Variants in COLEC12 observed in about 807,000 individuals in gnomAD.
COLEC12 encodes collectin-12.
A neutral mutation model predicts 71.1 loss-of-function variants in COLEC12; 33 were observed. The ratio of observed to expected loss-of-function variants is 0.46; its 90% confidence interval spans 0.35 to 0.62. COLEC12 has a LOEUF of 0.62. COLEC12 is among the 20% of genes least tolerant of loss of function. COLEC12 has a pLI of 0.00. For missense variants in COLEC12, 765 were observed against 916.1 expected (o/e 0.84, Z 2.13); for synonymous variants, 350 against 353.0 (o/e 0.99, Z 0.10).
chr18:435,617 T>C (rs1916389221), intron 2 of COLEC12, among the ~76,000 whole-genome samples: 2 of 151,690 alleles, frequency 1.3e-5, no homozygotes, highest in African/African-American at 4.8e-5. Flanking sequence ...TCTCTCTCTA[T>C]CTGGCTAATA....
chr18:439,409 C>G (rs1916469019), intron 2 of COLEC12, among the ~76,000 whole-genome samples: 1 of 151,248 alleles, frequency 6.6e-6, no homozygotes, highest in Non-Finnish European at 1.5e-5. Flanking sequence ...AGAGAGAAAC[C>G]TGGAACACAC....
chr18:349,262 C>T (rs1203974548), intron 3 of COLEC12, among the ~76,000 whole-genome samples: 1 of 152,212 alleles, frequency 6.6e-6, no homozygotes, highest in Non-Finnish European at 1.5e-5. Context: ...CCAGCCATGG[C>T]TGAAAGGGGC....
intron 5 of COLEC12, among the ~76,000 whole-genome samples, chr18:341,507 G>A (rs1056861548): frequency 3.3e-5 from 5 of 152,184 alleles, no homozygotes; most frequent in African/African-American, 4.8e-5. Context: ...CTCTAAGGCT[G>A]GGCACTAGAA....
At chr18:429,646 T>G (rs747202993) in intron 2 of COLEC12, among the ~76,000 whole-genome samples, 14 of 152,166 alleles carry the variant, frequency 9.2e-5, no homozygotes, top group Admixed American at 5.2e-4. Flanking sequence ...CCTCCCAAAG[T>G]TCTGGGATTA....
intron 2 of COLEC12, among the ~76,000 whole-genome samples, chr18:441,506 G>A (rs1030060015): frequency 7.2e-5 from 11 of 152,074 alleles, no homozygotes; most frequent in South Asian, 4.1e-4. Flanking sequence ...ACTGTGCAGC[G>A]TACAGACTCT....
At chr18:381,716 A>G (rs1915234923) in intron 2 of COLEC12, among the ~76,000 whole-genome samples, 1 of 152,240 alleles carries the variant, frequency 6.6e-6, no homozygotes. Flanking sequence ...GAAGGAAAAA[A>G]TGGAAACTTT....
intron 2 of COLEC12, among the ~76,000 whole-genome samples, chr18:417,753 T>C (rs1403657153): frequency 6.7e-6 from 1 of 150,344 alleles, no homozygotes; most frequent in African/African-American, 2.5e-5. Context: ...CACTGGTCAT[T>C]GCTGTAGCAA....
In COLEC12 at chr18:319,500, T is replaced by A; in HGVS notation, c.*545A>T. On this transcript the variant is annotated 3_prime_UTR_variant, in exon 10 of 10. Coordinates refer to ENST00000400256, the MANE Select transcript of COLEC12 (RefSeq NM_130386.3). Reference sequence around the variant, plus strand: ...GTTTTCTTTGGCTCCATGTATTATGTCGGTAAAATGACAAAAAAAAAAAAA... The same window carrying A: ...GTTTTCTTTGGCTCCATGTATTATGACGGTAAAATGACAAAAAAAAAAAAA... 7.0e-6 allele frequency: 1 copy of A among 143,024 alleles called. No homozygotes were observed. The highest frequency in any genetic ancestry group is 1.5e-5 in the Non-Finnish European group (1 of 66,258). The allele number at this position is 143,024 out of a possible 1,614,324, so 8.9% of individuals were successfully genotyped here. A position where few individuals can be genotyped will look rare whatever the true frequency, so the allele number is the denominator to read the frequency against.
At chr18:495,859 T>C (rs1917702895) in intron 1 of COLEC12, among the ~76,000 whole-genome samples, 1 of 152,178 alleles carries the variant, frequency 6.6e-6, no homozygotes, top group Admixed American at 6.5e-5. Context: ...CGCCACCAAC[T>C]AGCTGGGTAC....
intron 2 of COLEC12, among the ~76,000 whole-genome samples, chr18:464,205 G>T (rs138412737): frequency 6.6e-6 from 1 of 152,130 alleles, no homozygotes; most frequent in Non-Finnish European, 1.5e-5. Context: ...TGTTCCATGC[G>T]AGTCACTTTT....
intron 7 of COLEC12, among the ~76,000 whole-genome samples, chr18:332,488 A>G (rs1408287791): frequency 5.9e-5 from 9 of 152,190 alleles, no homozygotes; most frequent in Non-Finnish European, 1.5e-5. Flanking sequence ...TGAGGGTAAT[A>G]ATAATACCTA....
intron 3 of COLEC12, 119 bp downstream of exon 3, chr18:357,281 T>C: frequency 1.1e-6 from 1 of 920,724 alleles, no homozygotes. Flanking sequence ...ATCATGTTGT[T>C]ATTTTGCATC....
chr18:473,614 C>T lies in COLEC12; in HGVS notation c.58+7093G>A, dbSNP rs186334217. Among the ~76,000 whole-genome samples, 314 of 152,310 alleles carry T rather than the reference C, an allele frequency of 2.1e-3. 1 individual carries two copies. The highest frequency in any genetic ancestry group is 4.5e-3 in the African/African-American group (188 of 41,582). The stretch of plus-strand genomic sequence containing the variant: ...CTGACCTCAGGTGATCCACCCGCCT[C>T]GGCCTCCCAAAGTGCTGGGATTACA... On this transcript the variant is annotated intron_variant, in intron 2 of 9. Coordinates refer to ENST00000400256, the MANE Select transcript of COLEC12 (RefSeq NM_130386.3).
At chr18:441,062 C>T (rs1393592832) in intron 2 of COLEC12, among the ~76,000 whole-genome samples, 5 of 146,560 alleles carry the variant, frequency 3.4e-5, no homozygotes, top group Non-Finnish European at 6.0e-5. Context: ...TCCTGGCTAA[C>T]ACAGTGAAAC....
At chr18:461,345 C>T (rs1414836451) in intron 2 of COLEC12, among the ~76,000 whole-genome samples, 6 of 152,098 alleles carry the variant, frequency 3.9e-5, no homozygotes, top group African/African-American at 7.2e-5. Context: ...ATAATCAACA[C>T]AAAATTATTA....
rs572968421 is a variant in COLEC12, at chr18:454,326, T to C, written c.58+26381A>G. On this transcript the variant is annotated intron_variant, in intron 2 of 9. Transcript: ENST00000400256. Reference sequence around the variant, plus strand: ...CCAAATCACAGCCTCCCTCACTCTGTTCTTGTTCCCACTCCCACATGACCT... The same window carrying C: ...CCAAATCACAGCCTCCCTCACTCTGCTCTTGTTCCCACTCCCACATGACCT... Among the ~76,000 whole-genome samples the C allele has an allele frequency of 2.0e-5, 3 of 152,286 alleles. No homozygotes were observed. In the South Asian group the frequency reaches 6.2e-4, roughly 32 times the overall value.
chr18:430,749 A>G (rs72863565), intron 2 of COLEC12, among the ~76,000 whole-genome samples: 2,527 of 152,340 alleles, frequency 0.017, 29 homozygotes, highest in Non-Finnish European at 0.02. Context: ...GAAGAGGGAA[A>G]CCATTTAATG....
rs550594956 is a variant in COLEC12, at chr18:353,304, T to C, written c.181+4096A>G. 3.3e-5 allele frequency among the ~76,000 whole-genome samples: 5 copies of C among 152,270 alleles called. No individual in the cohort carries two copies. The East Asian group carries it at 9.7e-4, about 29-fold the overall frequency. On this transcript the variant is annotated intron_variant, in intron 3 of 9. Coordinates refer to ENST00000400256, the MANE Select transcript of COLEC12 (RefSeq NM_130386.3). ...GCTCTTTGCCGGATGCACTACACCA[T>C]CACTGCAGTTAATCCTTCCAACTGC...
At chr18:434,911 A>C (rs1567907048) in intron 2 of COLEC12, among the ~76,000 whole-genome samples, 2 of 151,988 alleles carry the variant, frequency 1.3e-5, no homozygotes, top group Non-Finnish European at 2.9e-5. Flanking sequence ...GAACCAAACC[A>C]CTTGCCATTC....
Sources: allele counts gnomAD v4.1 joint callset (sites outside exome capture counted in the v4.1 genomes callset), GRCh38; gene constraint gnomAD v4.1.1; transcripts MANE v1.5; gene names NCBI Gene and HGNC (gene_info 2026-07-23, HGNC 2026-07-21).